The following RASGRP1 variants were observed in gnomAD, a reference collection of about 807,000 sequenced individuals.
RASGRP1 encodes the protein RAS guanyl releasing protein 1.
Under a neutral mutation model 95.1 loss-of-function variants are expected in RASGRP1, and 37 were observed. The observed-to-expected ratio is 0.39, with a 90% CI of 0.30 to 0.51. The LOEUF (loss-of-function observed/expected upper bound fraction) is 0.51, where lower values mean the gene tolerates loss of function less well. RASGRP1 is among the 20% of genes least tolerant of loss of function. The probability of loss-of-function intolerance (pLI) is 0.80; values close to 1 mark genes in which losing one functional copy is unlikely to be tolerated. For missense variants in RASGRP1, 711 were observed against 965.4 expected (o/e 0.74, Z 3.49); for synonymous variants, 325 against 353.4 (o/e 0.92, Z 0.90).
chr15:38,547,756 A>C (rs1158077528), intron 2 of RASGRP1, among the ~76,000 whole-genome samples: 1 of 152,214 alleles, frequency 6.6e-6, no homozygotes, highest in African/African-American at 2.4e-5. Flanking sequence ...TTCAGATTCC[A>C]AAGACTGCCA....
In RASGRP1 at chr15:38,490,569, C is replaced by G; in HGVS notation, c.2379G>C (p.Gln793His). Residue 793 changes from glutamine to histidine, a missense_variant, in exon 17 of 17, where the codon CAG becomes CAC. Coordinates refer to ENST00000310803, the MANE Select transcript of RASGRP1 (RefSeq NM_005739.4). ...AGTTTCTGGGCTAAGAACAGTCACC[C>G]TGCTCCATTTGAGCTAAGACATGAT... is the stretch of plus-strand genomic sequence containing the variant. ...KSNHVLAQME[Q>H]GDCS 6.2e-7 allele frequency: 1 copy of G among 1,612,490 alleles called. No individual in the cohort carries two copies. Among genetic ancestry groups the G allele is most frequent in the East Asian group, 2.2e-5 (1 of 44,810 alleles).
intron 2 of RASGRP1, among the ~76,000 whole-genome samples, chr15:38,551,594 AT>A (rs1328004468): frequency 6.6e-6 from 1 of 152,180 alleles, no homozygotes; most frequent in Admixed American, 6.5e-5. Context: ...TGGAATAGGG[AT>A]TTTTTTAAGG....
chr15:38,553,290 G>A (rs1279984213), intron 2 of RASGRP1, among the ~76,000 whole-genome samples: 1 of 152,224 alleles, frequency 6.6e-6, no homozygotes, highest in Non-Finnish European at 1.5e-5. Context: ...TGCGGCTGGG[G>A]CCCGAACTGT....
chr15:38,507,035 C>CA (rs1891286490), intron 9 of RASGRP1, among the ~76,000 whole-genome samples: 1 of 152,152 alleles, frequency 6.6e-6, no homozygotes, highest in African/African-American at 2.4e-5. Flanking sequence ...TTCTACTCTC[C>CA]AAAAACAGCA....
At chr15:38,531,749 A>T (rs943474500) in intron 2 of RASGRP1, among the ~76,000 whole-genome samples, 1 of 149,180 alleles carries the variant, frequency 6.7e-6, no homozygotes, top group Non-Finnish European at 1.5e-5. Context: ...AGACAGAAAC[A>T]CTCTCTCTCT....
intron 2 of RASGRP1, among the ~76,000 whole-genome samples, chr15:38,549,633 A>G (rs1893246888): frequency 8.7e-6 from 1 of 114,928 alleles, no homozygotes; most frequent in Non-Finnish European, 1.8e-5. Flanking sequence ...TCTTTGTTAC[A>G]AAACCGGCAA....
intron 2 of RASGRP1, among the ~76,000 whole-genome samples, chr15:38,546,915 C>A (rs750351157): frequency 1.3e-5 from 2 of 152,132 alleles, no homozygotes; most frequent in South Asian, 2.1e-4. Flanking sequence ...AACTTAAGTG[C>A]GAGACTTTAC....
At chr15:38,515,403 C>T (rs982179710) in intron 6 of RASGRP1, among the ~76,000 whole-genome samples, 1 of 152,162 alleles carries the variant, frequency 6.6e-6, no homozygotes, top group African/African-American at 2.4e-5. Flanking sequence ...TTTCATTTCT[C>T]AGGAAAGCAC....
intron 15 of RASGRP1, among the ~76,000 whole-genome samples, chr15:38,495,183 A>C (rs565911360): frequency 9.8e-5 from 15 of 152,318 alleles, no homozygotes; most frequent in Admixed American, 8.5e-4. Context: ...CCTGATACAG[A>C]CACCCTCTAG....
intron 2 of RASGRP1, among the ~76,000 whole-genome samples, chr15:38,538,463 A>C (rs1892744752): frequency 6.6e-6 from 1 of 152,198 alleles, no homozygotes; most frequent in African/African-American, 2.4e-5. Flanking sequence ...GAAGAAATGA[A>C]CTACATTCAA....
At chr15:38,533,934 C>T (rs755533811) in intron 2 of RASGRP1, among the ~76,000 whole-genome samples, 11 of 152,192 alleles carry the variant, frequency 7.2e-5, no homozygotes, top group Non-Finnish European at 1.6e-4. Context: ...TGAACATGCA[C>T]CTAGGAAGAG....
At chr15:38,564,533 G>C in intron 1 of RASGRP1, 61 bp downstream of exon 1, 11 of 1,306,890 alleles carry the variant, frequency 8.4e-6, no homozygotes, top group Non-Finnish European at 1.1e-5. Context: ...GCGACGGGCA[G>C]GGGCCTCTTT....
intron 2 of RASGRP1, among the ~76,000 whole-genome samples, chr15:38,556,570 A>T (rs1410120506): frequency 6.6e-6 from 1 of 152,250 alleles, no homozygotes; most frequent in African/African-American, 2.4e-5. Context: ...TGCGACAAAC[A>T]TCTACCCTCT....
intron 2 of RASGRP1, among the ~76,000 whole-genome samples, chr15:38,528,958 C>G (rs1375395222): frequency 6.6e-6 from 1 of 152,154 alleles, no homozygotes; most frequent in Admixed American, 6.6e-5. Context: ...TGCCTCATCT[C>G]CAGAAATGGC....
chr15:38,530,072 CA>C (rs1892378874), intron 2 of RASGRP1, among the ~76,000 whole-genome samples: 1 of 152,168 alleles, frequency 6.6e-6, no homozygotes, highest in Non-Finnish European at 1.5e-5. Flanking sequence ...TCTGCATAAC[CA>C]ACCACCCCAA....
intron 2 of RASGRP1, among the ~76,000 whole-genome samples, chr15:38,553,241 C>T (rs892402006): frequency 1.1e-4 from 16 of 152,306 alleles, no homozygotes; most frequent in South Asian, 2.1e-4. Flanking sequence ...ATAATTGTTC[C>T]GGGCAGGAGT....
chr15:38,494,887 G>T, intron 15 of RASGRP1, 120 bp from the exon 16 acceptor site: 1 of 998,748 alleles, frequency 1.0e-6, no homozygotes, highest in Non-Finnish European at 1.3e-6. Flanking sequence ...GTTCAAAGAG[G>T]ACCCATTTTC....
chr15:38,562,238 A>C (rs1361151128), intron 1 of RASGRP1, among the ~76,000 whole-genome samples: 2 of 152,246 alleles, frequency 1.3e-5, no homozygotes, highest in African/African-American at 4.8e-5. Flanking sequence ...CATAACTGGT[A>C]ATGTAAAGGC....
In RASGRP1 at chr15:38,490,472, A is replaced by C; in HGVS notation, c.*82T>G. 1 of 1,416,498 alleles carries C rather than the reference A, an allele frequency of 7.1e-7. No homozygotes were observed. Among genetic ancestry groups the C allele is most frequent in the Non-Finnish European group, 9.4e-7 (1 of 1,060,400 alleles). The allele number at this position is 1,416,498 out of a possible 1,614,324, so 87.7% of individuals were successfully genotyped here. ...GTACTGTTTTAAAGCTGGTCAGTGT[A>C]AAGTTCCTCAGGTCTGTGCATTACA... On this transcript the variant is annotated 3_prime_UTR_variant, in exon 17 of 17. Coordinates refer to ENST00000310803, the MANE Select transcript of RASGRP1 (RefSeq NM_005739.4).
Sources: allele counts gnomAD v4.1 joint callset (sites outside exome capture counted in the v4.1 genomes callset), GRCh38; gene constraint gnomAD v4.1.1; transcripts MANE v1.5; gene names NCBI Gene and HGNC (gene_info 2026-07-23, HGNC 2026-07-21).